CNTNAP5: variants seen among roughly 807,000 people sequenced by gnomAD.
CNTNAP5 encodes the protein contactin associated protein family member 5.
CNTNAP5 carries 72 observed loss-of-function variants against 150.2 expected under a neutral mutation model. The ratio of observed to expected loss-of-function variants is 0.48; its 90% CI spans 0.40 to 0.58. The LOEUF is 0.58. Ranked by LOEUF, CNTNAP5 falls within the 20% of genes least tolerant of loss-of-function variation. The pLI is 0.00. For missense variants in CNTNAP5, 1,636 were observed against 1,626.2 expected (o/e 1.01, Z -0.10); for synonymous variants, 672 against 619.8 (o/e 1.08, Z -1.25).
At chr2:124,409,740 A>G (rs1231873959) in intron 3 of CNTNAP5, among the ~76,000 whole-genome samples, 1 of 150,888 alleles carries the variant, frequency 6.6e-6, no homozygotes, top group East Asian at 1.9e-4. Context: ...CTAAACATGG[A>G]AAGGAACAAC....
intron 13 of CNTNAP5, among the ~76,000 whole-genome samples, chr2:124,656,466 T>C (rs964512131): frequency 1.3e-5 from 2 of 152,212 alleles, no homozygotes; most frequent in Non-Finnish European, 2.9e-5. Context: ...TTACAGTGCA[T>C]GAAAGCCAAA....
chr2:124,713,366 T>TCTTTCTTA (rs1553434532), intron 13 of CNTNAP5, among the ~76,000 whole-genome samples: 5 of 140,194 alleles, frequency 3.6e-5, no homozygotes, highest in African/African-American at 1.3e-4. Flanking sequence ...TTTCTTTCTT[T>TCTTTCTTA]CTTTCTTTCT....
At chr2:124,294,381 TG>T (rs1454419678) in intron 3 of CNTNAP5, among the ~76,000 whole-genome samples, 1 of 152,110 alleles carries the variant, frequency 6.6e-6, no homozygotes, top group Admixed American at 6.6e-5. Context: ...ATCCTCAGGC[TG>T]GAGTTCAATG....
At chr2:124,204,656 A>G (rs555162658) in intron 1 of CNTNAP5, among the ~76,000 whole-genome samples, 43 of 152,344 alleles carry the variant, frequency 2.8e-4, no homozygotes, top group African/African-American at 1.0e-3. Context: ...GGAGGAGCAA[A>G]GGTACATCTT....
intron 6 of CNTNAP5, among the ~76,000 whole-genome samples, chr2:124,469,940 G>A (rs111545964): frequency 0.044 from 6,695 of 152,208 alleles, 166 homozygotes; most frequent in Non-Finnish European, 0.051. Flanking sequence ...ATTCCATGGC[G>A]TATATGTACC....
At chr2:124,805,176 G>A (rs1053855399) in intron 19 of CNTNAP5, among the ~76,000 whole-genome samples, 2 of 152,074 alleles carry the variant, frequency 1.3e-5, no homozygotes, top group Admixed American at 6.5e-5. Flanking sequence ...CTTGAAAACC[G>A]GCTGTCTCTA....
chr2:124,256,101 T>C (rs377044849), intron 3 of CNTNAP5, among the ~76,000 whole-genome samples: 3 of 152,196 alleles, frequency 2.0e-5, no homozygotes, highest in African/African-American at 7.2e-5. Context: ...ATGTATCTTA[T>C]GCGTTTGCTC....
chr2:124,108,033 A>G (rs146734943), intron 1 of CNTNAP5, among the ~76,000 whole-genome samples: 22 of 152,298 alleles, frequency 1.4e-4, no homozygotes, highest in African/African-American at 5.1e-4. Context: ...GTGAATCTGC[A>G]TTTTTACATA....
At chr2:124,683,560 C>T (rs1206220492) in intron 13 of CNTNAP5, among the ~76,000 whole-genome samples, 1 of 152,128 alleles carries the variant, frequency 6.6e-6, no homozygotes, top group Admixed American at 6.6e-5. Context: ...CTTGAGTCCA[C>T]AAAGTCCATT....
chr2:124,445,698 G>A (rs976459830), intron 5 of CNTNAP5, among the ~76,000 whole-genome samples: 8 of 152,184 alleles, frequency 5.3e-5, no homozygotes, highest in East Asian at 1.9e-4. Context: ...AATGTCACAC[G>A]GTTGAACAGG....
At chr2:124,334,436 C>T (rs1257528091) in intron 3 of CNTNAP5, among the ~76,000 whole-genome samples, 1 of 151,970 alleles carries the variant, frequency 6.6e-6, no homozygotes, top group East Asian at 1.9e-4. Flanking sequence ...AAATCATGTC[C>T]ACAAGAAAGA....
chr2:124,387,598 C>T (rs1389507402), intron 3 of CNTNAP5, among the ~76,000 whole-genome samples: 1 of 151,854 alleles, frequency 6.6e-6, no homozygotes. Context: ...AAAGAACCTT[C>T]TTAAGGGTGG....
At chr2:124,113,211 C>G (rs1237697776) in intron 1 of CNTNAP5, among the ~76,000 whole-genome samples, 1 of 152,240 alleles carries the variant, frequency 6.6e-6, no homozygotes, top group African/African-American at 2.4e-5. Flanking sequence ...TAGCTAGAAG[C>G]TGGAAACACT....
chr2:124,521,493 C>G (rs929520210), intron 8 of CNTNAP5, among the ~76,000 whole-genome samples: 1 of 152,188 alleles, frequency 6.6e-6, no homozygotes, highest in Non-Finnish European at 1.5e-5. Flanking sequence ...ACAATCACAA[C>G]AGATGATCCT....
At chr2:124,206,618 C>T (rs943680687) in intron 1 of CNTNAP5, among the ~76,000 whole-genome samples, 11 of 152,270 alleles carry the variant, frequency 7.2e-5, no homozygotes, top group Non-Finnish European at 1.6e-4. Flanking sequence ...AGAAGAGAGA[C>T]CACCAGTGCT....
intron 21 of CNTNAP5, among the ~76,000 whole-genome samples, chr2:124,883,730 G>T (rs1678016873): frequency 6.6e-6 from 1 of 152,048 alleles, no homozygotes; most frequent in African/African-American, 2.4e-5. Context: ...TCGTGCGTGG[G>T]TTTGTACATG....
At position 124,919,889 on chromosome 2, in the gene CNTNAP5, C is replaced by G. The variant is rs753177292; in HGVS notation, c.*5601C>G. ...AAACTGTCAGAAAACTGCCCTAGGT[C>G]TATTATCAATCAGAGCCCCTGTGAG... On this transcript the variant is annotated 3_prime_UTR_variant, in exon 24 of 24. Coordinates refer to ENST00000682447, the MANE Select transcript of CNTNAP5 (RefSeq NM_001367498.1). 6.6e-6 allele frequency among the ~76,000 whole-genome samples: 1 copy of G among 151,976 alleles called. No individual in the cohort carries two copies. The highest frequency in any genetic ancestry group is 1.5e-5 in the Non-Finnish European group (1 of 67,986).
intron 3 of CNTNAP5, among the ~76,000 whole-genome samples, chr2:124,254,638 A>G (rs1485189594): frequency 1.3e-5 from 2 of 152,242 alleles, no homozygotes; most frequent in Non-Finnish European, 2.9e-5. Context: ...GTCAGTTCCC[A>G]GTAAAATCAT....
At position 124,916,380 on chromosome 2, in the gene CNTNAP5, T is replaced by A. The variant is rs960262735; in HGVS notation, c.*2092T>A. Among the ~76,000 whole-genome samples the A allele has an allele frequency of 1.5e-4, 23 of 152,112 alleles. No homozygotes were observed. The highest frequency in any genetic ancestry group is 3.4e-4 in the Non-Finnish European group (23 of 68,000). Reference sequence around the variant, plus strand: ...CTTTCTTCAATTTTCATTTTTGAATTTTCTATTTCCATAAAAAGGCTATAT... The same window carrying A: ...CTTTCTTCAATTTTCATTTTTGAATATTCTATTTCCATAAAAAGGCTATAT... On this transcript the variant is annotated 3_prime_UTR_variant, in exon 24 of 24. Coordinates refer to ENST00000682447, the MANE Select transcript of CNTNAP5 (RefSeq NM_001367498.1).
Sources: allele counts gnomAD v4.1 joint callset (sites outside exome capture counted in the v4.1 genomes callset), GRCh38; gene constraint gnomAD v4.1.1; transcripts MANE v1.5; gene names NCBI Gene and HGNC (gene_info 2026-07-23, HGNC 2026-07-21).